ENDOU: variants seen among roughly 807,000 people sequenced by gnomAD.
ENDOU encodes endonuclease, poly(U) specific.
A neutral mutation model predicts 54.2 loss-of-function variants in ENDOU; 49 were observed. That is an observed-to-expected ratio of 0.90 (90% CI 0.72 to 1.15). The LOEUF (loss-of-function observed/expected upper bound fraction) is 1.15, where lower values mean the gene tolerates loss of function less well. Ranked by LOEUF, ENDOU falls within the 50% of genes most tolerant of loss-of-function variation. ENDOU has a pLI of 0.00. For synonymous variants in ENDOU, 172 were observed against 190.5 expected, an observed-to-expected ratio of 0.90 and a Z score of 0.80; for missense variants, 458 against 511.4, an observed-to-expected ratio of 0.90 and a Z score of 1.01.
intron 6 of ENDOU, among the ~76,000 whole-genome samples, chr12:47,715,666 G>A (rs935393426): frequency 1.3e-5 from 2 of 152,204 alleles, no homozygotes; most frequent in African/African-American, 4.8e-5. Flanking sequence ...CCTGGAGTTG[G>A]GAAAGGAATC....
In ENDOU at chr12:47,717,444, A is replaced by G. The variant is rs1418802775; in HGVS notation, c.382+74T>C. 6.7e-6 allele frequency: 10 copies of G among 1,500,832 alleles called. No individual in the cohort carries two copies. In the Admixed American group the frequency reaches 1.6e-4, roughly 25 times the overall value. 93.0% of individuals were successfully genotyped at this position (1,500,832 alleles called of 1,614,324 possible). ...CAGACATTGCTGAAGCTGCTGGTCC[A>G]GGGACCACATGTTGAGAACCTGCTC... On this transcript the variant is annotated intron_variant, in intron 4 of 9. Transcript: ENST00000422538.
intron 7 of ENDOU, 127 bp downstream of exon 7, chr12:47,713,148 T>C: frequency 1.5e-6 from 1 of 672,150 alleles, no homozygotes; most frequent in Non-Finnish European, 2.6e-6. Flanking sequence ...CAGGGGAGAG[T>C]GCGTGGGTCC....
Position 47,717,517 on chromosome 12 carries a change from C to A in ENDOU, c.382+1G>T. ...CTTAGCTAAGGGAGCAGAAGACTAA[C>A]CGTGGTCACTACACAGGCTCTCAAA... On this transcript the variant is annotated splice_donor_variant, in intron 4 of 9. Transcript: ENST00000422538. LOFTEE classifies it high-confidence loss of function. The A allele has an allele frequency of 6.2e-7, 1 of 1,613,994 alleles. No individual in the cohort carries two copies. Among genetic ancestry groups the A allele is most frequent in the South Asian group, 1.1e-5 (1 of 91,080 alleles).
In ENDOU at chr12:47,717,573, G is replaced by A. The variant is rs1349130779; in HGVS notation, c.327C>T (p.Arg109=). 1.2e-6 allele frequency: 2 copies of A among 1,614,194 alleles called. No homozygotes were observed. The highest frequency in any genetic ancestry group is 1.7e-6 in the Non-Finnish European group (2 of 1,180,032). Residue 109 remains arginine, a synonymous_variant, in exon 4 of 10, where the codon CGC becomes CGT. Coordinates refer to ENST00000422538, the MANE Select transcript of ENDOU (RefSeq NM_001172439.2). ...TGCAGCAGTTCCCAAACTCTTGGCA[G>A]CGGGCATTGCAGTGACATTGGTGGT... ...DKHHQCHCNA[R]CQEFGNCCKD... is the part of the protein sequence containing the mutation.
At position 47,711,698 on chromosome 12, in the gene ENDOU, G is replaced by A. The variant is rs199501223; in HGVS notation, c.1050C>T (p.Ile350=). 104 of 1,614,054 alleles carry A rather than the reference G, an allele frequency of 6.4e-5. No homozygotes were observed. The highest frequency in any genetic ancestry group is 7.8e-5 in the Non-Finnish European group (92 of 1,180,036). ...GYYKEVGSAF[I]GSSPEFEFAL... is the part of the protein sequence containing the mutation. ...CAAACTCAAACTCAGGGCTGCTGCC[G>A]ATGAAAGCAGAGCCCACTTCCTTAT... The change falls in exon 9 of 10, where the codon ATC becomes ATT. Residue 350 remains isoleucine, a synonymous_variant. Transcript: ENST00000422538.
intron 7 of ENDOU, 105 bp downstream of exon 7, chr12:47,713,170 C>T (rs1940096051): frequency 3.8e-6 from 3 of 792,072 alleles, no homozygotes; most frequent in East Asian, 4.9e-5. Flanking sequence ...TCCCTACTAG[C>T]TGGCTGGACT....
At chr12:47,718,860 T>A (rs1487019739) in intron 2 of ENDOU, among the ~76,000 whole-genome samples, 1 of 152,040 alleles carries the variant, frequency 6.6e-6, no homozygotes, top group African/African-American at 2.4e-5. Flanking sequence ...CATCACACAG[T>A]GGAATAATCC....
In ENDOU at chr12:47,716,348, T is replaced by TGATCTCTCTG. The variant is rs762418647; in HGVS notation, c.693_702dup (p.Met235GlnfsTer31). ...AGCTCCTTCATGACTGCTGTCTTCA[T>TGATCTCTCTG]GATCTCTCTGAGGAAGGCGTCCTGC... On this transcript the variant is annotated frameshift_variant, in exon 6 of 10. Transcript: ENST00000422538. LOFTEE classifies it high-confidence loss of function. 1.9e-5 allele frequency: 31 copies of TGATCTCTCTG among 1,614,160 alleles called. No individual in the cohort carries two copies. The highest frequency in any genetic ancestry group is 1.7e-4 in the Middle Eastern group (1 of 6,040).
intron 6 of ENDOU, 103 bp from the exon 7 acceptor site, chr12:47,713,491 CAT>C (rs546486172): frequency 9.3e-4 from 684 of 738,834 alleles, no homozygotes; most frequent in African/African-American, 3.4e-3. Context: ...CGTCAAGAAA[CAT>C]GTGGGTTCAA....
rs756086422 is a variant in ENDOU, at chr12:47,712,626, T to TA, written c.866-5dup. ...ACCTTGCCTTTTTTTACCTCACCTA[T>TA]AATAAAGAGTCCAAGATGGATAATC... On this transcript the variant is annotated splice_polypyrimidine_tract_variant and splice_region_variant and intron_variant, in intron 7 of 9. Coordinates refer to ENST00000422538, the MANE Select transcript of ENDOU (RefSeq NM_001172439.2). 1.1e-5 allele frequency: 18 copies of TA among 1,606,362 alleles called. No homozygotes were observed. The highest frequency in any genetic ancestry group is 3.3e-5 in the Admixed American group (2 of 59,936).
At chr12:47,717,763 A>C in intron 3 of ENDOU, 108 bp from the exon 4 acceptor site, 1 of 1,182,490 alleles carries the variant, frequency 8.5e-7, no homozygotes, top group Non-Finnish European at 1.2e-6. Context: ...CCCAGTAAAG[A>C]TCTCCAGGGA....
At chr12:47,725,152 C>A (rs1430442435) in intron 1 of ENDOU, among the ~76,000 whole-genome samples, 1 of 152,216 alleles carries the variant, frequency 6.6e-6, no homozygotes, top group Non-Finnish European at 1.5e-5. Flanking sequence ...ATCAGCCCTG[C>A]AACTCTCTCC....
At position 47,709,767 on chromosome 12, in the gene ENDOU, C is replaced by G. The variant is rs573050671; in HGVS notation, c.*1035G>C. The G allele has an allele frequency of 6.6e-6, 1 of 152,336 alleles. No individual in the cohort carries two copies. Among genetic ancestry groups the G allele is most frequent in the Admixed American group, 6.5e-5 (1 of 15,310 alleles). The allele number at this position is 152,336 out of a possible 1,614,324, so 9.4% of individuals were successfully genotyped here. A position where few individuals can be genotyped will look rare whatever the true frequency, so the allele number is the denominator to read the frequency against. ...TTTCTTCAATGACTTTAATTGGAAA[C>G]TTGAACCTTCTAAACCATAGTTCAC... is the stretch of plus-strand genomic sequence containing the variant. On this transcript the variant is annotated 3_prime_UTR_variant, in exon 10 of 10. Coordinates refer to ENST00000422538, the MANE Select transcript of ENDOU (RefSeq NM_001172439.2).
chr12:47,711,285 A>G (rs1592498742), intron 9 of ENDOU, among the ~76,000 whole-genome samples: 1 of 152,172 alleles, frequency 6.6e-6, no homozygotes. Flanking sequence ...AGTGGTTCCT[A>G]ATGGTACTTT....
Position 47,721,860 on chromosome 12 carries a change from A to T in ENDOU, c.56-985T>A, listed in dbSNP as rs117552453. ...TTCACGAACGCTGGGTTCAGAGGTC[A>T]TACTGTGGGTTACAGAGAATGTCAA... is the stretch of plus-strand genomic sequence containing the variant. On this transcript the variant is annotated intron_variant, in intron 1 of 9. Transcript: ENST00000422538. Among the ~76,000 whole-genome samples, 7 of 152,358 alleles carry T rather than the reference A, an allele frequency of 4.6e-5. No individual in the cohort carries two copies. The East Asian group carries it at 1.3e-3, about 29-fold the overall frequency.
Position 47,717,421 on chromosome 12 carries a change from G to C in ENDOU, c.382+97C>G. 4 of 1,369,536 alleles carry C rather than the reference G, an allele frequency of 2.9e-6. No homozygotes were observed. In the South Asian group the frequency reaches 4.0e-5, roughly 14 times the overall value. The allele number at this position is 1,369,536 out of a possible 1,614,324, so 84.8% of individuals were successfully genotyped here. A position where few individuals can be genotyped will look rare whatever the true frequency, so the allele number is the denominator to read the frequency against. ...AGTTTGTGTTTCTAACAAGTTCTCA[G>C]ACATTGCTGAAGCTGCTGGTCCAGG... On this transcript the variant is annotated intron_variant, in intron 4 of 9. Transcript: ENST00000422538.
At position 47,710,812 on chromosome 12, in the gene ENDOU, G is replaced by A; in HGVS notation, c.1223C>T (p.Ser408Phe). Residue 408 changes from serine (S) to phenylalanine (F), a missense_variant, in exon 10 of 10, where the codon TCT (serine) becomes TTT (phenylalanine). Transcript: ENST00000422538. ...KKYIATAYIV[S>F]ST ...TGGCTCGAAGTTCTATTAGGTGGAA[G>A]ACACTATGTAGGCTGTGGCGATGTA... 6.2e-7 allele frequency: 1 copy of A among 1,612,754 alleles called. No homozygotes were observed. Among genetic ancestry groups the A allele is most frequent in the East Asian group, 2.2e-5 (1 of 44,878 alleles).
intron 3 of ENDOU, 97 bp downstream of exon 3, chr12:47,718,032 C>T: frequency 1.8e-6 from 2 of 1,084,292 alleles, no homozygotes; most frequent in Non-Finnish European, 2.7e-6. Context: ...CTGGCTGAGG[C>T]CTGGGCCTGG....
chr12:47,716,150 G>A (rs529154123), intron 6 of ENDOU, 150 bp downstream of exon 6: 125 of 763,892 alleles, frequency 1.6e-4, no homozygotes, highest in Non-Finnish European at 2.6e-4. Flanking sequence ...GCTTCCCCCT[G>A]GCCTCATCCC....
Sources: allele counts gnomAD v4.1 joint callset (sites outside exome capture counted in the v4.1 genomes callset), GRCh38; gene constraint gnomAD v4.1.1; transcripts MANE v1.5; gene names NCBI Gene and HGNC (gene_info 2026-07-23, HGNC 2026-07-21).